The following TTLL3 variants were observed in gnomAD, a reference collection of about 807,000 sequenced individuals.
TTLL3 encodes the protein tubulin monoglycylase TTLL3.
In TTLL3, 63 loss-of-function variants were observed where a neutral mutation model predicts 75.2. The ratio of observed to expected loss-of-function variants is 0.84; its 90% confidence interval spans 0.68 to 1.03. TTLL3 has a LOEUF of 1.03. Ranked by LOEUF, TTLL3 falls within the 50% of genes least tolerant of loss-of-function variation. TTLL3 has a pLI of 0.00. For missense variants in TTLL3, 997 were observed against 1,069.9 expected (o/e 0.93, Z 0.95); for synonymous variants, 393 against 418.5 (o/e 0.94, Z 0.74).
chr3:9,820,273 AG>A, intron 7 of TTLL3: 1 of 1,233,238 alleles, frequency 8.1e-7, no homozygotes, highest in South Asian at 2.6e-5. Context: ...AGGGGCAGAG[AG>A]GCTATAGGTG....
intron 11 of TTLL3, among the ~76,000 whole-genome samples, chr3:9,830,778 A>C (rs9834636): frequency 0.63 from 96,250 of 151,880 alleles, 31,476 homozygotes; most frequent in Non-Finnish European, 0.71. Flanking sequence ...GAGACTATGT[A>C]TATCTGCATT....
intron 5 of TTLL3, 141 bp downstream of exon 5, chr3:9,816,343 A>G: frequency 1.1e-6 from 1 of 897,100 alleles, no homozygotes; most frequent in Non-Finnish European, 1.5e-6. Flanking sequence ...TTGGAGTCTG[A>G]CCAGTATCTG....
chr3:9,835,214 C>A lies in TTLL3; in HGVS notation c.2173C>A (p.Pro725Thr), dbSNP rs2081965612. 2 of 1,614,060 alleles carry A rather than the reference C, an allele frequency of 1.2e-6. No individual in the cohort carries two copies. Among genetic ancestry groups the A allele is most frequent in the Non-Finnish European group, 1.7e-6 (2 of 1,180,010 alleles). Reference protein sequence around the residue: ...GRSRPKANSRPDCDKPRAEAC... With the variant: ...GRSRPKANSRTDCDKPRAEAC... Reference sequence around the variant, plus strand: ...GTCAAGGCCAAAGGCAAATTCAAGGCCAGACTGTGACAAACCCAGGGCTGA... The same window carrying A: ...GTCAAGGCCAAAGGCAAATTCAAGGACAGACTGTGACAAACCCAGGGCTGA... The change falls in exon 14 of 14, where the codon CCA becomes ACA. Residue 725 changes from proline to threonine, a missense_variant. Coordinates refer to ENST00000685419, the MANE Select transcript of TTLL3 (RefSeq NM_001387446.1).
chr3:9,834,594 C>T lies in TTLL3; in HGVS notation c.1826-87C>T, dbSNP rs1023532126. ...GGCCTTCACCCCATTCCCTCCATAT[C>T]CCCCCATCCTCCACACGTACCTGTT... On this transcript the variant is annotated intron_variant, in intron 12 of 13. Transcript: ENST00000685419. 4.3e-5 allele frequency: 67 copies of T among 1,568,714 alleles called. No individual in the cohort carries two copies. The Middle Eastern group carries it at 2.0e-3, about 47-fold the overall frequency.
In TTLL3 at chr3:9,818,569, T is replaced by C. The variant is rs981051229; in HGVS notation, c.560-253T>C. Reference sequence around the variant, plus strand: ...ATTTTTAGTAGAGACGGGGTTTCACTGTGTTAGCCAGGATGGTCTCGATCT... The same window carrying C: ...ATTTTTAGTAGAGACGGGGTTTCACCGTGTTAGCCAGGATGGTCTCGATCT... On this transcript the variant is annotated intron_variant, in intron 6 of 13. Transcript: ENST00000685419. 8.2e-6 allele frequency: 8 copies of C among 978,080 alleles called. No individual in the cohort carries two copies. The Admixed American group carries it at 1.9e-4, about 23-fold the overall frequency. The allele number at this position is 978,080 out of a possible 1,614,324, so 60.6% of individuals were successfully genotyped here.
chr3:9,816,779 G>A (rs567846381), intron 5 of TTLL3, among the ~76,000 whole-genome samples: 3 of 152,094 alleles, frequency 2.0e-5, no homozygotes, highest in South Asian at 2.1e-4. Context: ...TTTCGGGCAC[G>A]AGCCATCATG....
chr3:9,823,017 T>TG (rs1559741748), intron 8 of TTLL3, among the ~76,000 whole-genome samples: 2 of 150,072 alleles, frequency 1.3e-5, no homozygotes, highest in Non-Finnish European at 3.0e-5. Flanking sequence ...AGGCCAAGGC[T>TG]GGCGGATCAT....
At chr3:9,813,136 A>C (rs759225880) in intron 3 of TTLL3, 25 bp downstream of exon 3, 12 of 1,594,058 alleles carry the variant, frequency 7.5e-6, no homozygotes, top group Non-Finnish European at 1.0e-5. Flanking sequence ...CCCTTTCCAC[A>C]GCTGTTGCTC....
At chr3:9,828,544 A>C (rs1431064672) in intron 10 of TTLL3, 1 of 185,748 alleles carries the variant, frequency 5.4e-6, no homozygotes, top group African/African-American at 2.4e-5. Context: ...TACTGTTACT[A>C]CCCCCATTTT....
intron 11 of TTLL3, 72 bp downstream of exon 11, chr3:9,829,467 T>C (rs963754831): frequency 6.6e-6 from 10 of 1,504,610 alleles, no homozygotes; most frequent in Admixed American, 6.6e-5. Context: ...CAGTGGAGCA[T>C]AGGACTCTGC....
intron 8 of TTLL3, among the ~76,000 whole-genome samples, chr3:9,823,179 C>G (rs933534799): frequency 1.7e-4 from 26 of 151,868 alleles, no homozygotes; most frequent in Non-Finnish European, 1.0e-4. Context: ...ATCAGGAGAT[C>G]GAGACCATCC....
intron 7 of TTLL3, chr3:9,819,468 T>C: frequency 4.0e-6 from 4 of 991,812 alleles, no homozygotes; most frequent in Non-Finnish European, 4.8e-6. Flanking sequence ...GAGGGCAGAC[T>C]AAGAAGACAT....
At chr3:9,835,052 A>G (rs1456685374) in intron 13 of TTLL3, 42 bp from the exon 14 acceptor site, 1 of 1,586,280 alleles carries the variant, frequency 6.3e-7, no homozygotes, top group Non-Finnish European at 8.6e-7. Context: ...TCCTCCACAG[A>G]CTTCTGATCA....
chr3:9,815,008 C>T (rs565273917), intron 4 of TTLL3, among the ~76,000 whole-genome samples: 1 of 151,604 alleles, frequency 6.6e-6, no homozygotes, highest in Non-Finnish European at 1.5e-5. Flanking sequence ...GAGGCCAAGG[C>T]GGGTGGATTA....
At chr3:9,811,249 G>T (rs1442930406) in intron 2 of TTLL3, among the ~76,000 whole-genome samples, 3 of 150,814 alleles carry the variant, frequency 2.0e-5, no homozygotes, top group Non-Finnish European at 3.0e-5. Flanking sequence ...ACATCCCGTA[G>T]ATCTAGCCCC....
intron 4 of TTLL3, among the ~76,000 whole-genome samples, chr3:9,814,853 C>T (rs1051909977): frequency 2.6e-5 from 4 of 151,928 alleles, no homozygotes; most frequent in East Asian, 1.9e-4. Flanking sequence ...TTGAAAGAGT[C>T]GGTGTGATGA....
In TTLL3 at chr3:9,829,256, C is replaced by G; in HGVS notation, c.1544C>G (p.Ala515Gly). 6.2e-7 allele frequency: 1 copy of G among 1,614,206 alleles called. No homozygotes were observed. Among genetic ancestry groups the G allele is most frequent in the South Asian group, 1.1e-5 (1 of 91,088 alleles). ...DFQPWLIEIN[A>G]SPTMAPSTAV... ...CAGCCCTGGCTGATTGAGATCAACG[C>G]CAGCCCCACGATGGCACCCTCCACA... Residue 515 changes from alanine (A) to glycine (G), a missense_variant, in exon 11 of 14, where the codon GCC (alanine) becomes GGC (glycine). Transcript: ENST00000685419.
At chr3:9,826,562 G>A (rs1015987171) in intron 9 of TTLL3, among the ~76,000 whole-genome samples, 5 of 152,012 alleles carry the variant, frequency 3.3e-5, no homozygotes, top group African/African-American at 1.2e-4. Flanking sequence ...GTGAAACCCT[G>A]TCTCTACTAA....
Position 9,810,477 on chromosome 3 carries a change from G to C in TTLL3, c.-42+83G>C. ...GCTGGGGTGGAGGGACTGGGGGTCG[G>C]GAGAAGAGCGGCTGAGGGTGGGCAT... On this transcript the variant is annotated intron_variant, in intron 1 of 13. Transcript: ENST00000685419. The surrounding 1 kb of genome is among the most constrained non-coding windows in gnomAD (Gnocchi z 4.4). The C allele has an allele frequency of 2.1e-6, 3 of 1,445,798 alleles. No homozygotes were observed. The highest frequency in any genetic ancestry group is 2.7e-6 in the Non-Finnish European group (3 of 1,101,124). The allele number at this position is 1,445,798 out of a possible 1,614,324, so 89.6% of individuals were successfully genotyped here.
Sources: gnomAD v4.1 joint callset for allele counts (sites outside exome capture counted in the v4.1 genomes callset) on GRCh38, gnomAD v4.1.1 for gene constraint, Gnocchi (gnomAD v3.1) non-coding constraint, MANE v1.5 for transcripts, NCBI Gene and HGNC (gene_info 2026-07-23, HGNC 2026-07-21) for gene names.